Variants in COMMD10 observed in about 807,000 individuals in gnomAD.
The protein encoded by COMMD10 is COMM domain-containing protein 10.
A neutral mutation model predicts 28.9 loss-of-function variants in COMMD10; 33 were observed. The observed-to-expected ratio is 1.14, with a 90% CI of 0.87 to 1.53. The LOEUF (loss-of-function observed/expected upper bound fraction) is 1.53, where lower values mean the gene tolerates loss of function less well. Ranked by LOEUF, COMMD10 falls within the 40% of genes most tolerant of loss-of-function variation. COMMD10 has a pLI of 0.00. For missense variants in COMMD10, 310 were observed against 233.4 expected (o/e 1.33, Z -2.14); for synonymous variants, 110 against 81.7 (o/e 1.35, Z -1.87).
chr5:116,241,534 G>C (rs1749806567), intron 5 of COMMD10, among the ~76,000 whole-genome samples: 1 of 151,868 alleles, frequency 6.6e-6, no homozygotes, highest in Admixed American at 6.5e-5. Flanking sequence ...AATACAAGCT[G>C]TCTAGTTCTT....
intron 5 of COMMD10, among the ~76,000 whole-genome samples, chr5:116,198,164 C>G (rs940341168): frequency 6.6e-6 from 1 of 152,152 alleles, no homozygotes; most frequent in Non-Finnish European, 1.5e-5. Context: ...ATATTAGTTA[C>G]AGCTGAAGAG....
intron 5 of COMMD10, among the ~76,000 whole-genome samples, chr5:116,195,075 T>G (rs1404663072): frequency 6.6e-6 from 1 of 152,154 alleles, no homozygotes; most frequent in Non-Finnish European, 1.5e-5. Flanking sequence ...CACATGATTA[T>G]CTCAATCGAT....
intron 5 of COMMD10, among the ~76,000 whole-genome samples, chr5:116,173,231 ACAG>A (rs1412292217): frequency 9.5e-4 from 144 of 152,278 alleles, no homozygotes; most frequent in African/African-American, 2.6e-3. Flanking sequence ...TTGGCATTAA[ACAG>A]CAGTTCTTGG....
At chr5:116,236,955 A>G (rs1302175177) in intron 5 of COMMD10, among the ~76,000 whole-genome samples, 1 of 152,126 alleles carries the variant, frequency 6.6e-6, no homozygotes, top group East Asian at 1.9e-4. Flanking sequence ...AAGCCGATCT[A>G]AAATAGATTT....
At chr5:116,211,132 A>G (rs977327299) in intron 5 of COMMD10, among the ~76,000 whole-genome samples, 4 of 152,132 alleles carry the variant, frequency 2.6e-5, no homozygotes, top group Admixed American at 1.3e-4. Context: ...GGATGGTTAT[A>G]TCTCTATATA....
intron 5 of COMMD10, among the ~76,000 whole-genome samples, chr5:116,239,012 G>C (rs1190696402): frequency 2.6e-5 from 4 of 151,620 alleles, no homozygotes; most frequent in South Asian, 4.2e-4. Context: ...GCATCAACAA[G>C]TTGATTTTTT....
intron 5 of COMMD10, among the ~76,000 whole-genome samples, chr5:116,224,326 C>T (rs1031162764): frequency 1.3e-5 from 2 of 152,152 alleles, no homozygotes; most frequent in Non-Finnish European, 2.9e-5. Context: ...CTTACTGTCT[C>T]TACAGTTCCC....
intron 5 of COMMD10, among the ~76,000 whole-genome samples, chr5:116,190,874 A>G (rs944973120): frequency 1.3e-5 from 2 of 152,206 alleles, no homozygotes; most frequent in African/African-American, 4.8e-5. Flanking sequence ...GGAAACAAAC[A>G]CTTTAAGTGA....
intron 5 of COMMD10, among the ~76,000 whole-genome samples, chr5:116,172,232 G>A (rs1335849406): frequency 6.6e-6 from 1 of 152,100 alleles, no homozygotes; most frequent in Non-Finnish European, 1.5e-5. Flanking sequence ...ATGTAAGGCT[G>A]GAGGGAGGTG....
At chr5:116,215,998 G>A (rs150924535) in intron 5 of COMMD10, among the ~76,000 whole-genome samples, 18 of 151,992 alleles carry the variant, frequency 1.2e-4, no homozygotes, top group African/African-American at 3.9e-4. Flanking sequence ...GTTGCCATTC[G>A]TGGGAAAGGA....
chr5:116,210,075 C>T (rs1035532685), intron 5 of COMMD10, among the ~76,000 whole-genome samples: 4 of 151,944 alleles, frequency 2.6e-5, no homozygotes, highest in African/African-American at 4.8e-5. Flanking sequence ...GAGAAAAAAT[C>T]GGGGCCAAAC....
At chr5:116,086,297 C>T (rs890197210) in intron 1 of COMMD10, among the ~76,000 whole-genome samples, 1 of 152,172 alleles carries the variant, frequency 6.6e-6, no homozygotes, top group African/African-American at 2.4e-5. Flanking sequence ...TTTCCTCATA[C>T]CAGTGTCTTG....
At chr5:116,190,707 G>C (rs184484915) in intron 5 of COMMD10, among the ~76,000 whole-genome samples, 252 of 152,150 alleles carry the variant, frequency 1.7e-3, no homozygotes, top group African/African-American at 5.7e-3. Context: ...TATAACTTTT[G>C]TACCTAAAAT....
intron 5 of COMMD10, among the ~76,000 whole-genome samples, chr5:116,239,764 T>A (rs1004269106): frequency 6.6e-6 from 1 of 152,172 alleles, no homozygotes; most frequent in Non-Finnish European, 1.5e-5. Context: ...ATTCTACCAA[T>A]AAGAGCAGGG....
intron 5 of COMMD10, among the ~76,000 whole-genome samples, chr5:116,203,857 A>G (rs547060437): frequency 2.2e-4 from 34 of 152,250 alleles, no homozygotes; most frequent in African/African-American, 8.2e-4. Context: ...ACCAGCTAAC[A>G]TCATAATGAC....
intron 5 of COMMD10, among the ~76,000 whole-genome samples, chr5:116,172,395 G>A (rs1363842482): frequency 6.6e-6 from 1 of 152,130 alleles, no homozygotes; most frequent in South Asian, 2.1e-4. Flanking sequence ...ATTGTGTTTT[G>A]TAGGAATATG....
At chr5:116,141,628 A>G (rs993020495) in intron 5 of COMMD10, among the ~76,000 whole-genome samples, 3 of 151,816 alleles carry the variant, frequency 2.0e-5, no homozygotes, top group East Asian at 1.9e-4. Context: ...TTCTTTAGCT[A>G]TATTTATTTA....
chr5:116,093,911 AG>A (rs1225864265), intron 4 of COMMD10, among the ~76,000 whole-genome samples: 1 of 152,214 alleles, frequency 6.6e-6, no homozygotes, highest in Admixed American at 6.5e-5. Context: ...AGTTGCCAAG[AG>A]CATACAACTG....
At chr5:116,204,380 G>T (rs1028860827) in intron 5 of COMMD10, among the ~76,000 whole-genome samples, 1 of 152,064 alleles carries the variant, frequency 6.6e-6, no homozygotes, top group Non-Finnish European at 1.5e-5. Context: ...TTACAGTGAG[G>T]CTTGTTATTG....
Sources: gnomAD v4.1 joint callset for allele counts (sites outside exome capture counted in the v4.1 genomes callset) on GRCh38, gnomAD v4.1.1 for gene constraint, MANE v1.5 for transcripts, NCBI Gene and HGNC (gene_info 2026-07-23, HGNC 2026-07-21) for gene names.